The following CD36 variants were observed in gnomAD, a reference collection of about 807,000 sequenced individuals.
The protein encoded by CD36 is platelet glycoprotein 4.
In CD36, 119 loss-of-function variants were observed where a neutral mutation model predicts 55.2. The ratio of observed to expected loss-of-function variants is 2.15; its 90% CI spans 1.86 to 2.51. The LOEUF (loss-of-function observed/expected upper bound fraction) is 2.51. Among genes scored for constraint, CD36 ranks in the 30% most tolerant of loss-of-function variants. CD36 has a pLI of 0.00. For synonymous variants in CD36, 186 were observed against 193.6 expected (o/e 0.96, Z 0.33); for missense variants, 819 against 555.5 (o/e 1.47, Z -4.77).
intron 1 of CD36, among the ~76,000 whole-genome samples, chr7:80,629,417 A>G (rs1460427514): frequency 6.6e-6 from 1 of 151,928 alleles, no homozygotes; most frequent in Non-Finnish European, 1.5e-5. Flanking sequence ...GTCCTATAAC[A>G]CTCTCTATTT....
At chr7:80,636,384 C>G (rs902268040), upstream of CD36, among the ~76,000 whole-genome samples, 1 of 151,900 alleles carries the variant, frequency 6.6e-6, no homozygotes, top group African/African-American at 2.4e-5. Flanking sequence ...ACAGTGTATA[C>G]ACATGTCAAA....
chr7:80,668,467 C>T (rs1257689835), intron 8 of CD36, among the ~76,000 whole-genome samples: 2 of 152,142 alleles, frequency 1.3e-5, no homozygotes, highest in Admixed American at 6.6e-5. Flanking sequence ...GAAGTGCATC[C>T]TCTTTACCTT....
chr7:80,652,934 T>C (rs2116512800), intron 3 of CD36, among the ~76,000 whole-genome samples: 1 of 152,304 alleles, frequency 6.6e-6, no homozygotes, highest in South Asian at 2.1e-4. Flanking sequence ...TTAAGCCACA[T>C]GAAAATGCCA....
rs1167450561 is a variant in CD36, at chr7:80,678,401, C to T, written c.*2018C>T. ...ATGGATTAACAGATTAGAGAATCAA[C>T]AGCATCGGAAAATAGGTTAATGCAT... On this transcript the variant is annotated 3_prime_UTR_variant, in exon 15 of 15. Transcript: ENST00000447544. The T allele has an allele frequency of 6.6e-6, 1 of 152,034 alleles. No individual in the cohort carries two copies. The highest frequency in any genetic ancestry group is 6.6e-5 in the Admixed American group (1 of 15,248). The allele number at this position is 152,034 out of a possible 1,614,324, so 9.4% of individuals were successfully genotyped here.
intron 10 of CD36, 91 bp downstream of exon 10, chr7:80,671,255 ATTTAAAATATATCATAATTTGTGATATTC>A (rs1474874051): frequency 1.3e-5 from 10 of 780,612 alleles, no homozygotes; most frequent in African/African-American, 1.2e-4. Flanking sequence ...AGCAACCAAA[ATTTAAAATATATCATAATTTGTGATATTC>A]TTTAAAATGA....
At chr7:80,626,479 C>T (rs1793743954) in intron 1 of CD36, among the ~76,000 whole-genome samples, 1 of 151,968 alleles carries the variant, frequency 6.6e-6, no homozygotes, top group East Asian at 1.9e-4. Context: ...ATATTTAAAG[C>T]ATGAGAAAAC....
intron 1 of CD36, among the ~76,000 whole-genome samples, chr7:80,614,983 G>C (rs1490525424): frequency 6.6e-6 from 1 of 151,854 alleles, no homozygotes; most frequent in Admixed American, 6.6e-5. Flanking sequence ...ATGCCACCAA[G>C]ATGAAAGCTA....
At chr7:80,672,481 C>CTGAA (rs1465992456) in intron 11 of CD36, among the ~76,000 whole-genome samples, 12 of 151,844 alleles carry the variant, frequency 7.9e-5, no homozygotes, top group Non-Finnish European at 1.6e-4. Context: ...CAGGAATTAT[C>CTGAA]TGAGATCTTA....
chr7:80,629,982 A>G (rs187956372), intron 1 of CD36, among the ~76,000 whole-genome samples: 228 of 151,882 alleles, frequency 1.5e-3, no homozygotes, highest in Non-Finnish European at 2.8e-3. Context: ...CCACTGCTAT[A>G]TTTCTTTTAT....
chr7:80,616,093 C>T (rs773192849), intron 1 of CD36, among the ~76,000 whole-genome samples: 27 of 151,944 alleles, frequency 1.8e-4, no homozygotes, highest in Non-Finnish European at 3.4e-4. Flanking sequence ...TATAGATATT[C>T]CTTGACTTTT....
chr7:80,675,573 T>G (rs965526582), intron 14 of CD36, among the ~76,000 whole-genome samples: 1 of 152,176 alleles, frequency 6.6e-6, no homozygotes, highest in African/African-American at 2.4e-5. Flanking sequence ...CTTATATATT[T>G]GATTTTTATG....
upstream of CD36, among the ~76,000 whole-genome samples, chr7:80,638,206 A>G (rs1380855071): frequency 6.6e-6 from 1 of 152,012 alleles, no homozygotes; most frequent in Non-Finnish European, 1.5e-5. Flanking sequence ...ATAAAAAAGT[A>G]CATTAAATTT....
intron 1 of CD36, among the ~76,000 whole-genome samples, chr7:80,621,481 A>G (rs1023701755): frequency 5.9e-5 from 9 of 152,312 alleles, no homozygotes; most frequent in African/African-American, 2.2e-4. Context: ...ATGATAGCTG[A>G]CTCGTGGTAA....
At chr7:80,624,401 A>G (rs898863581) in intron 1 of CD36, among the ~76,000 whole-genome samples, 3 of 152,136 alleles carry the variant, frequency 2.0e-5, no homozygotes, top group African/African-American at 7.2e-5. Context: ...TCAAACTTTT[A>G]AATAAGAAGT....
rs758183568 is a variant in CD36 at position 80,627,763 on chromosome 7, CTTTAT to C, written c.-183-18320_-183-18316del. Among the ~76,000 whole-genome samples, 7 of 152,140 alleles carry C rather than the reference CTTTAT, an allele frequency of 4.6e-5. No homozygotes were observed. The East Asian group carries it at 5.8e-4, about 13-fold the overall frequency. ...AATTATTTTAATACATTTTACAAAA[CTTTAT>C]TTTAATCAATATGTCTGTTTCTGCC... On this transcript the variant is annotated intron_variant, in intron 1 of 13. Coordinates refer to the CD36 transcript ENST00000309881.
chr7:80,673,692 G>A (rs1020784849), intron 13 of CD36: 3 of 557,400 alleles, frequency 5.4e-6, no homozygotes, highest in African/African-American at 1.9e-5. Context: ...TCCATGCATT[G>A]ATAGCTATAA....
intron 8 of CD36, 79 bp downstream of exon 8, chr7:80,666,568 C>G: frequency 9.1e-7 from 1 of 1,104,628 alleles, no homozygotes; most frequent in Non-Finnish European, 1.4e-6. Context: ...TGACAGTGTT[C>G]TGAAAGTTGA....
chr7:80,620,051 G>A (rs567442542), intron 1 of CD36, among the ~76,000 whole-genome samples: 5 of 152,198 alleles, frequency 3.3e-5, no homozygotes, highest in Non-Finnish European at 7.4e-5. Context: ...AAATCTCCTG[G>A]TGAAGATGCT....
At chr7:80,674,275 T>C in intron 14 of CD36, 128 bp downstream of exon 14, 2 of 665,970 alleles carry the variant, frequency 3.0e-6, no homozygotes, top group South Asian at 1.8e-5. Flanking sequence ...CTGATCATTT[T>C]TAAATATAGG....
Sources: allele counts gnomAD v4.1 joint callset (sites outside exome capture counted in the v4.1 genomes callset), GRCh38; gene constraint gnomAD v4.1.1; transcripts MANE v1.5; gene names NCBI Gene and HGNC (gene_info 2026-07-23, HGNC 2026-07-21).